The following SNW1 variants were observed in gnomAD, a reference collection of about 807,000 sequenced individuals.
SNW1 encodes SNW domain containing 1.
A neutral mutation model predicts 75.6 loss-of-function variants in SNW1; 9 were observed. That is an observed-to-expected ratio of 0.12 (90% CI 0.07 to 0.21). The LOEUF (loss-of-function observed/expected upper bound fraction) is 0.21, where lower values mean the gene tolerates loss of function less well. Ranked by LOEUF, SNW1 falls within the 10% of genes least tolerant of loss-of-function variation. The pLI, the probability that SNW1 is intolerant of heterozygous loss-of-function variation, is 1.00. For synonymous variants in SNW1, 200 were observed against 219.1 expected, an observed-to-expected ratio of 0.91 and a Z score of 0.77; for missense variants, 409 against 670.9, an observed-to-expected ratio of 0.61 and a Z score of 4.31.
intron 10 of SNW1, among the ~76,000 whole-genome samples, chr14:77,723,915 G>A (rs983798651): frequency 6.6e-6 from 1 of 152,186 alleles, no homozygotes; most frequent in East Asian, 1.9e-4. Flanking sequence ...TTCTGAACAA[G>A]AGAATATTTT....
At chr14:77,725,686 G>A (rs1221546755) in intron 10 of SNW1, among the ~76,000 whole-genome samples, 1 of 152,184 alleles carries the variant, frequency 6.6e-6, no homozygotes, top group Non-Finnish European at 1.5e-5. Context: ...GGGAGGCTGA[G>A]GCGGGTGGAT....
chr14:77,740,926 G>A (rs916253334), intron 3 of SNW1, among the ~76,000 whole-genome samples: 12 of 151,702 alleles, frequency 7.9e-5, no homozygotes, highest in Non-Finnish European at 8.8e-5. Flanking sequence ...GTGAAACCCC[G>A]TCTCTCCCAA....
intron 11 of SNW1, chr14:77,722,609 C>T (rs2139893260): frequency 2.5e-6 from 1 of 394,258 alleles, no homozygotes; most frequent in South Asian, 1.8e-5. Flanking sequence ...GATCTCGATT[C>T]CGTTTTCTAT....
chr14:77,721,075 T>C (rs1271553140), intron 11 of SNW1: 12 of 456,352 alleles, frequency 2.6e-5, no homozygotes, highest in Non-Finnish European at 4.3e-5. Context: ...TTCGTTGACA[T>C]GGAATTCTTT....
chr14:77,760,114 T>C lies in SNW1; in HGVS notation c.14+1000A>G, dbSNP rs374644150. ...TGTAATTGTTTTATGTCTGTATACC[T>C]TGCACCCCTATCTTCCCTGTTGCCA... On this transcript the variant is annotated intron_variant, in intron 1 of 13. Transcript: ENST00000261531. 7.2e-5 allele frequency among the ~76,000 whole-genome samples: 11 copies of C among 152,300 alleles called. No homozygotes were observed. In the East Asian group the frequency reaches 2.1e-3, roughly 29 times the overall value.
At chr14:77,755,147 A>C in intron 1 of SNW1, 27 bp from the exon 2 acceptor site, 2 of 1,590,452 alleles carry the variant, frequency 1.3e-6, no homozygotes, top group Non-Finnish European at 1.7e-6. Context: ...TAAAAGTCAG[A>C]AATTTAAAAA....
intron 10 of SNW1, among the ~76,000 whole-genome samples, chr14:77,723,553 G>T (rs1769437490): frequency 6.6e-6 from 1 of 151,824 alleles, no homozygotes; most frequent in African/African-American, 2.4e-5. Context: ...TCCCACTTAT[G>T]TTGTCGAGGC....
At chr14:77,745,544 TAA>T (rs2080754319) in intron 3 of SNW1, among the ~76,000 whole-genome samples, 1 of 151,788 alleles carries the variant, frequency 6.6e-6, no homozygotes, top group African/African-American at 2.4e-5. Flanking sequence ...CCATCTCTAC[TAA>T]AAAGACAAAA....
rs143625215 is a variant in SNW1, at chr14:77,723,995, TAA to T, written c.1034-720_1034-719del. On this transcript the variant is annotated intron_variant, in intron 10 of 13. Transcript: ENST00000261531. ...TTTTAAACCTTACTTGCAATTAATT[TAA>T]GTCTAATAAATGATATTAGTTTAAT... Among the ~76,000 whole-genome samples, 1,172 of 152,340 alleles carry T rather than the reference TAA, an allele frequency of 7.7e-3. 9 individuals are homozygous for T. Among genetic ancestry groups the T allele is most frequent in the African/African-American group, 0.027 (1,128 of 41,576 alleles).
At chr14:77,759,651 A>G (rs562785481) in intron 1 of SNW1, among the ~76,000 whole-genome samples, 1 of 152,294 alleles carries the variant, frequency 6.6e-6, no homozygotes, top group African/African-American at 2.4e-5. Context: ...CCTGGGGAGC[A>G]CTCAAATGTT....
In SNW1 at chr14:77,735,414, T is replaced by C. The variant is rs1477615318; in HGVS notation, c.709-402A>G. The stretch of plus-strand genomic sequence containing the variant: ...GATTCTCCTGCCTCAGCCTCCCAAG[T>C]AGCTGGGATTATAGGCATGCGCCAC... On this transcript the variant is annotated intron_variant, in intron 7 of 13. Coordinates refer to ENST00000261531, the MANE Select transcript of SNW1 (RefSeq NM_012245.3). Among the ~76,000 whole-genome samples the C allele has an allele frequency of 2.0e-5, 3 of 152,274 alleles. No homozygotes were observed. In the East Asian group the frequency reaches 5.8e-4, roughly 29 times the overall value.
intron 7 of SNW1, among the ~76,000 whole-genome samples, 160 bp from the exon 8 acceptor site, chr14:77,735,172 T>C (rs1465476148): frequency 6.6e-6 from 1 of 152,246 alleles, no homozygotes; most frequent in Non-Finnish European, 1.5e-5. Context: ...TAGTTTACCA[T>C]ATAATTCTAG....
In SNW1 at chr14:77,742,716, TA is replaced by T. The variant is rs1317742884; in HGVS notation, c.331-3656del. ...AATACGTTGAAGGCATTCTTTTGGG[TA>T]TAGTACGTGTGTAACATTTCGTTTC... is the stretch of plus-strand genomic sequence containing the variant. On this transcript the variant is annotated intron_variant, in intron 3 of 13. Transcript: ENST00000261531. 2.6e-5 allele frequency among the ~76,000 whole-genome samples: 4 copies of T among 151,834 alleles called. No individual in the cohort carries two copies. The East Asian group carries it at 7.9e-4, about 30-fold the overall frequency.
intron 2 of SNW1, 57 bp downstream of exon 2, chr14:77,754,910 G>A (rs1594810129): frequency 7.1e-7 from 1 of 1,399,556 alleles, no homozygotes; most frequent in Admixed American, 2.4e-5. Context: ...ATGTTATAGT[G>A]TGCTATAATA....
At chr14:77,728,564 C>T (rs982249739) in intron 10 of SNW1, among the ~76,000 whole-genome samples, 3 of 152,092 alleles carry the variant, frequency 2.0e-5, no homozygotes, top group African/African-American at 7.2e-5. Flanking sequence ...GCTTATTTCC[C>T]TTAGGGGCTG....
At chr14:77,741,244 T>A (rs1019088720) in intron 3 of SNW1, among the ~76,000 whole-genome samples, 1 of 152,144 alleles carries the variant, frequency 6.6e-6, no homozygotes, top group African/African-American at 2.4e-5. Context: ...CCATGAACAG[T>A]GACTCACGCC....
At chr14:77,729,968 A>G (rs1336259755) in intron 10 of SNW1, among the ~76,000 whole-genome samples, 1 of 152,006 alleles carries the variant, frequency 6.6e-6, no homozygotes. Flanking sequence ...AACTATTCTG[A>G]CACCTCATCT....
At chr14:77,749,023 T>G (rs1277861315) in intron 3 of SNW1, among the ~76,000 whole-genome samples, 1 of 152,022 alleles carries the variant, frequency 6.6e-6, no homozygotes, top group Non-Finnish European at 1.5e-5. Context: ...AAGTGGAAAA[T>G]TATGTATTTA....
At chr14:77,747,410 G>A (rs1179225214) in intron 3 of SNW1, among the ~76,000 whole-genome samples, 1 of 151,468 alleles carries the variant, frequency 6.6e-6, no homozygotes, top group Non-Finnish European at 1.5e-5. Context: ...CCTCTGCCCG[G>A]CCGCCCAGTC....
Sources: gnomAD v4.1 joint callset for allele counts (sites outside exome capture counted in the v4.1 genomes callset) on GRCh38, gnomAD v4.1.1 for gene constraint, MANE v1.5 for transcripts, NCBI Gene and HGNC (gene_info 2026-07-23, HGNC 2026-07-21) for gene names.